The following DNAH14 variants were observed in gnomAD, a reference collection of about 807,000 sequenced individuals.
DNAH14 encodes axonemal beta dynein heavy chain 14.
Under a neutral mutation model 520.9 loss-of-function variants are expected in DNAH14, and 478 were observed. The observed-to-expected ratio is 0.92, with a 90% CI of 0.85 to 0.99. The LOEUF is 0.99. Ranked by LOEUF, DNAH14 falls within the 50% of genes least tolerant of loss-of-function variation. The pLI is 0.00. For synonymous variants in DNAH14, 1,581 were observed against 1,757.2 expected (o/e 0.90, Z 2.51); for missense variants, 4,831 against 5,234.5 (o/e 0.92, Z 2.38).
At chr1:225,242,617 C>A (rs2092032269) in intron 43 of DNAH14, among the ~76,000 whole-genome samples, 1 of 152,274 alleles carries the variant, frequency 6.6e-6, no homozygotes, top group South Asian at 2.1e-4. Context: ...CATGAAGGAC[C>A]TGCCTGAAGC....
chr1:225,122,285 G>A (rs1055429070), intron 26 of DNAH14, among the ~76,000 whole-genome samples: 9 of 152,198 alleles, frequency 5.9e-5, no homozygotes, highest in Middle Eastern at 6.8e-3. Context: ...TCTTCTAAAA[G>A]CAAATACTAG....
chr1:225,187,821 C>A (rs2084935881), intron 37 of DNAH14, among the ~76,000 whole-genome samples: 1 of 151,648 alleles, frequency 6.6e-6, no homozygotes, highest in Non-Finnish European at 1.5e-5. Context: ...TGTGAGAGTT[C>A]TTTATATATT....
intron 43 of DNAH14, among the ~76,000 whole-genome samples, chr1:225,247,664 C>G (rs796279445): frequency 5.3e-5 from 8 of 152,198 alleles, no homozygotes; most frequent in African/African-American, 1.9e-4. Context: ...AGTGAAACTG[C>G]AAAATGTCAA....
At chr1:225,043,245 C>T in intron 13 of DNAH14, 131 bp downstream of exon 13, 1 of 309,194 alleles carries the variant, frequency 3.2e-6, no homozygotes, top group Non-Finnish European at 5.3e-6. Flanking sequence ...GCCTGGGCAA[C>T]ACAGTGAGAC....
chr1:225,284,935 A>AC (rs2093702203), intron 54 of DNAH14, among the ~76,000 whole-genome samples: 2 of 151,230 alleles, frequency 1.3e-5, no homozygotes. Flanking sequence ...ATCCAACACC[A>AC]TTTTTTTTTA....
At chr1:225,006,971 TC>T (rs2147852243) in intron 9 of DNAH14, among the ~76,000 whole-genome samples, 1 of 152,324 alleles carries the variant, frequency 6.6e-6, no homozygotes, top group African/African-American at 2.4e-5. Context: ...TCTTTATTTC[TC>T]AGACCGGCTG....
chr1:225,051,143 A>G (rs1169119094), intron 16 of DNAH14, among the ~76,000 whole-genome samples: 1 of 152,184 alleles, frequency 6.6e-6, no homozygotes, highest in African/African-American at 2.4e-5. Flanking sequence ...TAAGCGTAGT[A>G]TACTCTAAAA....
chr1:225,078,702 T>G (rs1040098285), intron 17 of DNAH14, among the ~76,000 whole-genome samples: 3 of 151,966 alleles, frequency 2.0e-5, no homozygotes, highest in African/African-American at 7.3e-5. Flanking sequence ...TCCCCCTTGC[T>G]GTTCTCGTGA....
chr1:225,398,603 G>T lies in DNAH14; in HGVS notation c.13575G>T (p.Leu4525=), dbSNP rs1289537746. The change falls in exon 85 of 86, where the codon CTG becomes CTT. Residue 4525 remains leucine, a synonymous_variant. Coordinates refer to ENST00000682510, the MANE Select transcript of DNAH14 (RefSeq NM_001367479.1). ...GARWNREQKI[L]EDSLPLEMCC... ...GATGGAATCGTGAACAGAAAATACT[G>T]GAAGACTCGCTGCCTCTGGAGATGT... 1 of 1,551,690 alleles carries T rather than the reference G, an allele frequency of 6.4e-7. No homozygotes were observed. The highest frequency in any genetic ancestry group is 2.0e-5 in the Admixed American group (1 of 50,998).
rs1443967468 is a variant in DNAH14, at chr1:225,340,568, G to T, written c.10545G>T (p.Leu3515Phe). Residue 3515 changes from leucine (L) to phenylalanine (F), a missense_variant, in exon 69 of 86, where the codon TTG becomes TTT. Transcript: ENST00000682510. ...VTFQGLQDQL[L>F]STVVTHEVPH... is the part of the protein sequence containing the mutation. ...TCCAAGGTTTGCAAGATCAACTCTT[G>T]TCTACTGTGGTAACTCATGAAGTTC... 4 of 1,551,396 alleles carry T rather than the reference G, an allele frequency of 2.6e-6. No individual in the cohort carries two copies. In the Admixed American group the frequency reaches 7.8e-5, roughly 30 times the overall value.
chr1:224,935,503 G>A (rs1485238630), intron 1 of DNAH14, among the ~76,000 whole-genome samples: 1 of 151,806 alleles, frequency 6.6e-6, no homozygotes, highest in African/African-American at 2.4e-5. Flanking sequence ...TAATGATAAA[G>A]GAATTAATCC....
chr1:224,974,262 A>C, intron 8 of DNAH14, 109 bp downstream of exon 8: 1 of 640,410 alleles, frequency 1.6e-6, no homozygotes, highest in Non-Finnish European at 2.4e-6. Context: ...AGAAAGTCAC[A>C]TTCCATTGCT....
At chr1:225,293,367 G>A (rs1381680211) in intron 55 of DNAH14, among the ~76,000 whole-genome samples, 1 of 152,094 alleles carries the variant, frequency 6.6e-6, no homozygotes, top group Non-Finnish European at 1.5e-5. Context: ...AAAGATACAT[G>A]CATGTGTATG....
chr1:225,328,226 G>A (rs1055963917), intron 64 of DNAH14, among the ~76,000 whole-genome samples: 2 of 152,150 alleles, frequency 1.3e-5, no homozygotes, highest in African/African-American at 4.8e-5. Context: ...TTACATATAA[G>A]GGAATCTCCA....
chr1:225,289,956 C>G lies in DNAH14; in HGVS notation c.8343C>G (p.Tyr2781Ter). The G allele has an allele frequency of 6.5e-7, 1 of 1,538,532 alleles. No homozygotes were observed. The highest frequency in any genetic ancestry group is 8.8e-7 in the Non-Finnish European group (1 of 1,140,288). ...LACYLTDNKL[Y>*]RVPISHKCAY... ...GTTATTTGACAGATAATAAACTATACCGAGTGCCTATATCTCACAAATGTG... is the reference window on the plus strand; with the variant it reads ...GTTATTTGACAGATAATAAACTATAGCGAGTGCCTATATCTCACAAATGTG... The change falls in exon 55 of 86, where the codon TAC (tyrosine) becomes TAG (stop). Residue 2781 changes from tyrosine to a stop codon, truncating the protein, a stop_gained. Transcript: ENST00000682510. LOFTEE classifies it high-confidence loss of function.
intron 82 of DNAH14, among the ~76,000 whole-genome samples, chr1:225,388,807 C>T (rs1233337651): frequency 6.6e-6 from 1 of 151,900 alleles, no homozygotes; most frequent in Non-Finnish European, 1.5e-5. Flanking sequence ...CCAAGAGTCT[C>T]CCTCTGTCAC....
chr1:225,100,868 T>C lies in DNAH14; in HGVS notation c.3851T>C (p.Ile1284Thr), dbSNP rs1381420312. Residue 1284 changes from isoleucine (I) to threonine (T), a missense_variant, in exon 23 of 86, where the codon ATA (isoleucine) becomes ACA (threonine). Ile to Thr is a moderately conservative substitution (Grantham distance 89). Coordinates refer to ENST00000682510, the MANE Select transcript of DNAH14 (RefSeq NM_001367479.1). ...LQNCNIHLEH[I>T]KKSLEDYLEV... ...AATTGTAATATACATCTTGAACATA[T>C]AAAGAAAAGCCTTGAGGTAAAACTA... 2.7e-6 allele frequency: 4 copies of C among 1,504,226 alleles called. No individual in the cohort carries two copies. Among genetic ancestry groups the C allele is most frequent in the South Asian group, 1.4e-5 (1 of 73,214 alleles). 93.2% of individuals were successfully genotyped at this position (1,504,226 alleles called of 1,614,324 possible).
Position 225,185,322 on chromosome 1 carries a change from C to T in DNAH14, c.5567C>T (p.Thr1856Ile). Residue 1856 changes from threonine to isoleucine, a missense_variant, in exon 37 of 86, where the codon ACA becomes ATA. Transcript: ENST00000682510. Reference sequence around the variant, plus strand: ...GTTGGTGTGATGTTAGTGGGCCCAACAGGTGGAGGAAAGACAACAGTCAGA... The same window carrying T: ...GTTGGTGTGATGTTAGTGGGCCCAATAGGTGGAGGAAAGACAACAGTCAGA... The part of the protein sequence containing the change: ...VCVGVMLVGP[T>I]GGGKTTVRRI... 1 of 1,546,086 alleles carries T rather than the reference C, an allele frequency of 6.5e-7. No individual in the cohort carries two copies. The highest frequency in any genetic ancestry group is 8.7e-7 in the Non-Finnish European group (1 of 1,144,872).
chr1:225,308,238 T>A (rs567416958), intron 59 of DNAH14, 47 bp from the exon 60 acceptor site: 19 of 1,499,594 alleles, frequency 1.3e-5, no homozygotes, highest in Non-Finnish European at 1.1e-5. Context: ...AGAAAAGAGA[T>A]CATGTCTCTT....
Sources: allele counts gnomAD v4.1 joint callset (sites outside exome capture counted in the v4.1 genomes callset), GRCh38; gene constraint gnomAD v4.1.1; transcripts MANE v1.5; gene names NCBI Gene and HGNC (gene_info 2026-07-23, HGNC 2026-07-21).